PTPN22: variants seen among roughly 807,000 people sequenced by gnomAD.
PTPN22 encodes protein tyrosine phosphatase non-receptor type 22.
PTPN22 carries 85 observed loss-of-function variants against 103.3 expected under a neutral mutation model. That is an observed-to-expected ratio of 0.82 (90% CI 0.69 to 0.99). PTPN22 has a LOEUF of 0.99. Among genes scored for constraint, PTPN22 ranks in the 50% least tolerant of loss-of-function variants. The pLI is 0.00. For missense variants in PTPN22, 865 were observed against 936.9 expected, an observed-to-expected ratio of 0.92 and a Z score of 1.00; for synonymous variants, 323 against 310.2, an observed-to-expected ratio of 1.04 and a Z score of -0.43.
At chr1:113,833,074 G>C (rs1662686865) in intron 16 of PTPN22, 37 bp downstream of exon 16, 1 of 1,536,130 alleles carries the variant, frequency 6.5e-7, no homozygotes, top group African/African-American at 1.4e-5. Flanking sequence ...TCCAATCTTA[G>C]GGCTAAATGT....
In PTPN22 at chr1:113,832,470, G is replaced by A. The variant is rs191034814; in HGVS notation, c.2053+641C>T. Among the ~76,000 whole-genome samples the A allele has an allele frequency of 2.2e-3, 339 of 152,210 alleles. 2 individuals are homozygous for A. Among genetic ancestry groups the A allele is most frequent in the Non-Finnish European group, 1.0e-3 (68 of 68,002 alleles). ...TGGGATTACAGGTGTGAGCCACTGC[G>A]CCTGGCCTGTTGTCATGTTTTTTAG... On this transcript the variant is annotated intron_variant, in intron 16 of 20. Coordinates refer to ENST00000359785, the Ensembl canonical transcript of PTPN22.
Position 113,852,119 on chromosome 1 carries a change from G to A in PTPN22, c.751-15C>T. The stretch of plus-strand genomic sequence containing the variant: ...TCAGGAATTATCTATCAAATTAAAG[G>A]GGAAAATATTCCTTTCAATATTTTG... On this transcript the variant is annotated splice_polypyrimidine_tract_variant and intron_variant, in intron 9 of 20. Transcript: ENST00000359785. The A allele has an allele frequency of 6.4e-7, 1 of 1,568,366 alleles. No homozygotes were observed. The highest frequency in any genetic ancestry group is 1.4e-5 in the African/African-American group (1 of 74,048).
chr1:113,837,656 C>T (rs753550291), exon 13 of PTPN22: 57 of 1,604,714 alleles, frequency 3.6e-5, no homozygotes. Flanking sequence ...GATAAAGAAT[C>T]ATGTGAATTG....
At chr1:113,840,456 A>C (rs1244163200) in intron 11 of PTPN22, among the ~76,000 whole-genome samples, 1 of 152,184 alleles carries the variant, frequency 6.6e-6, no homozygotes, top group East Asian at 1.9e-4. Context: ...AAAGAATAAA[A>C]TACTTAGGAA....
chr1:113,859,354 G>A, exon 2 of PTPN22: 1 of 1,607,818 alleles, frequency 6.2e-7, no homozygotes, highest in Admixed American at 1.7e-5. Flanking sequence ...GAACTTACAG[G>A]GCAAAATATC....
chr1:113,844,347 G>A (rs1663864940), intron 11 of PTPN22, among the ~76,000 whole-genome samples: 1 of 152,152 alleles, frequency 6.6e-6, no homozygotes, highest in Non-Finnish European at 1.5e-5. Flanking sequence ...CCAGCTATTT[G>A]GGAGGCTAAG....
intron 15 of PTPN22, among the ~76,000 whole-genome samples, chr1:113,833,347 A>G (rs1292692149): frequency 6.6e-6 from 1 of 152,150 alleles, no homozygotes; most frequent in African/African-American, 2.4e-5. Context: ...TCCCATGGCA[A>G]TTAGTCCTAA....
At chr1:113,820,591 G>A (rs1661511427) in intron 19 of PTPN22, among the ~76,000 whole-genome samples, 1 of 152,102 alleles carries the variant, frequency 6.6e-6, no homozygotes, top group Non-Finnish European at 1.5e-5. Context: ...GGTCATATAT[G>A]TACATTGATA....
At chr1:113,825,592 G>A (rs1056123011) in intron 18 of PTPN22, among the ~76,000 whole-genome samples, 10 of 152,098 alleles carry the variant, frequency 6.6e-5, no homozygotes, top group East Asian at 3.9e-4. Flanking sequence ...AGGCTGAGGC[G>A]GGAGGTCTGC....
At chr1:113,824,033 T>TAATGTC (rs1447038449) in intron 19 of PTPN22, among the ~76,000 whole-genome samples, 1 of 152,190 alleles carries the variant, frequency 6.6e-6, no homozygotes, top group Non-Finnish European at 1.5e-5. Flanking sequence ...AGTACCAGTT[T>TAATGTC]AATGTCAAAT....
chr1:113,816,085 A>C (rs1230880677), intron 20 of PTPN22, among the ~76,000 whole-genome samples: 1 of 152,268 alleles, frequency 6.6e-6, no homozygotes, highest in Non-Finnish European at 1.5e-5. Flanking sequence ...AAAAACTCAA[A>C]GATATACCTA....
intron 1 of PTPN22, 91 bp from the exon 2 acceptor site, chr1:113,859,551 A>C: frequency 1.0e-6 from 1 of 993,048 alleles, no homozygotes; most frequent in East Asian, 2.4e-5. Context: ...CTGGCAAAAC[A>C]TTCTACCTCA....
intron 11 of PTPN22, among the ~76,000 whole-genome samples, chr1:113,841,389 T>A (rs1163285487): frequency 6.6e-6 from 1 of 152,226 alleles, no homozygotes; most frequent in Admixed American, 6.5e-5. Context: ...ATTTCTTGGA[T>A]AGGACACCAA....
chr1:113,837,544 C>T, intron 13 of PTPN22, 46 bp downstream of exon 13: 1 of 1,359,470 alleles, frequency 7.4e-7, no homozygotes, highest in Non-Finnish European at 1.0e-6. Flanking sequence ...TCTATAGAAA[C>T]AAAATGAAAT....
At position 113,871,519 on chromosome 1, in the gene PTPN22, G is replaced by A; in HGVS notation, c.87+18C>T. On this transcript the variant is annotated intron_variant, in intron 1 of 20. Coordinates refer to ENST00000359785, the Ensembl canonical transcript of PTPN22. ...TAGTGTATGTAACTACCCTGAGAGG[G>A]TCACATACAGGACTCACCAGAAATT... 6.2e-7 allele frequency: 1 copy of A among 1,607,938 alleles called. No individual in the cohort carries two copies. Among genetic ancestry groups the A allele is most frequent in the Non-Finnish European group, 8.5e-7 (1 of 1,174,490 alleles).
intron 20 of PTPN22, among the ~76,000 whole-genome samples, chr1:113,817,102 G>A (rs1224953601): frequency 6.6e-6 from 1 of 152,172 alleles, no homozygotes; most frequent in Admixed American, 6.5e-5. Context: ...TGGCAAGAAA[G>A]AAGATGGAAG....
intron 1 of PTPN22, among the ~76,000 whole-genome samples, chr1:113,859,680 T>C (rs1665400756): frequency 6.6e-6 from 1 of 152,234 alleles, no homozygotes; most frequent in African/African-American, 2.4e-5. Context: ...AGCTGAGCCA[T>C]AGATAGCGTG....
intron 19 of PTPN22, among the ~76,000 whole-genome samples, chr1:113,821,941 C>G (rs1413615925): frequency 3.3e-5 from 5 of 152,138 alleles, no homozygotes; most frequent in African/African-American, 1.2e-4. Flanking sequence ...CAGGGATGGG[C>G]AAATGAACCA....
At chr1:113,857,185 A>G (rs1210769046) in intron 5 of PTPN22, among the ~76,000 whole-genome samples, 2 of 152,222 alleles carry the variant, frequency 1.3e-5, no homozygotes, top group Non-Finnish European at 2.9e-5. Context: ...AATCCAGTGT[A>G]TATTTTATAT....
Sources: gnomAD v4.1 joint callset for allele counts (sites outside exome capture counted in the v4.1 genomes callset) on GRCh38, gnomAD v4.1.1 for gene constraint, MANE v1.5 for transcripts, NCBI Gene and HGNC (gene_info 2026-07-23, HGNC 2026-07-21) for gene names.